The following ZFPM2 variants were observed in gnomAD, a reference collection of about 807,000 sequenced individuals.
The protein encoded by ZFPM2 is zinc finger protein, FOG family member 2.
In ZFPM2, 20 loss-of-function variants were observed where a neutral mutation model predicts 98.6. That is an observed-to-expected ratio of 0.20 (90% CI 0.14 to 0.29). The LOEUF (loss-of-function observed/expected upper bound fraction) is 0.29. Among genes scored for constraint, ZFPM2 ranks in the 10% least tolerant of loss-of-function variants. ZFPM2 has a pLI of 1.00. For synonymous variants in ZFPM2, 518 were observed against 502.7 expected (o/e 1.03, Z -0.41); for missense variants, 1,310 against 1,388.6 (o/e 0.94, Z 0.90).
chr8:105,476,817 G>A (rs1324544238), intron 3 of ZFPM2, among the ~76,000 whole-genome samples: 2 of 151,846 alleles, frequency 1.3e-5, no homozygotes, highest in African/African-American at 2.4e-5. Flanking sequence ...GAGTGGGGTG[G>A]GTGATTGGGG....
intron 3 of ZFPM2, among the ~76,000 whole-genome samples, chr8:105,458,775 TCA>T (rs920633077): frequency 8.5e-5 from 13 of 152,126 alleles, no homozygotes; most frequent in Admixed American, 4.6e-4. Context: ...TTTTCCATCT[TCA>T]GAGTCTTTGC....
intron 4 of ZFPM2, among the ~76,000 whole-genome samples, chr8:105,594,665 G>T (rs1284497801): frequency 1.3e-5 from 2 of 152,008 alleles, no homozygotes; most frequent in Non-Finnish European, 2.9e-5. Flanking sequence ...GCTAATTAAT[G>T]TACAAATTAT....
chr8:105,786,628 T>C (rs1476936899), intron 5 of ZFPM2, among the ~76,000 whole-genome samples: 2 of 152,218 alleles, frequency 1.3e-5, no homozygotes, highest in African/African-American at 4.8e-5. Flanking sequence ...AAAACAAATA[T>C]ATATTACAAC....
chr8:105,798,570 TGC>T (rs1260465813), intron 6 of ZFPM2, 152 bp from the exon 7 acceptor site: 1 of 620,602 alleles, frequency 1.6e-6, no homozygotes, highest in Non-Finnish European at 2.8e-6. Context: ...TCGAGTCCTA[TGC>T]TGTAGAACAA....
chr8:105,533,085 T>C lies in ZFPM2; in HGVS notation c.302-28278T>C, dbSNP rs78440892. Among the ~76,000 whole-genome samples the C allele has an allele frequency of 2.3e-3, 345 of 152,270 alleles. 3 individuals carry two copies. The highest frequency in any genetic ancestry group is 8.1e-3 in the African/African-American group (337 of 41,564). On this transcript the variant is annotated intron_variant, in intron 3 of 7. Transcript: ENST00000407775. ...AAGGGTAATAAATGAACTTTGAACA[T>C]GTCTCTCAATATTTACATAACACAA...
intron 1 of ZFPM2, among the ~76,000 whole-genome samples, chr8:105,416,712 T>C (rs1305336934): frequency 2.0e-5 from 3 of 152,016 alleles, no homozygotes; most frequent in East Asian, 3.9e-4. Flanking sequence ...TTATAAATTA[T>C]GTAAATAAAA....
chr8:105,584,817 A>G (rs1300269141), intron 4 of ZFPM2, among the ~76,000 whole-genome samples: 1 of 152,142 alleles, frequency 6.6e-6, no homozygotes, highest in East Asian at 1.9e-4. Flanking sequence ...TGGGACAATC[A>G]GTTAAATGCA....
chr8:105,577,002 T>C (rs894658282), intron 4 of ZFPM2, among the ~76,000 whole-genome samples: 2 of 152,180 alleles, frequency 1.3e-5, no homozygotes, highest in African/African-American at 4.8e-5. Context: ...GGAATAATCA[T>C]TTCCCTTATT....
chr8:105,800,361 A>T (rs1273470436), intron 7 of ZFPM2, among the ~76,000 whole-genome samples: 1 of 152,086 alleles, frequency 6.6e-6, no homozygotes, highest in African/African-American at 2.4e-5. Flanking sequence ...CATGGACTAG[A>T]AATAGGCAGT....
chr8:105,548,158 CTT>C (rs1249122744), intron 3 of ZFPM2, among the ~76,000 whole-genome samples: 2 of 151,828 alleles, frequency 1.3e-5, no homozygotes, highest in African/African-American at 2.4e-5. Context: ...AAAAGAAACT[CTT>C]TGATTGTTAG....
At chr8:105,350,260 C>T (rs1241090457) in intron 1 of ZFPM2, among the ~76,000 whole-genome samples, 3 of 152,254 alleles carry the variant, frequency 2.0e-5, no homozygotes, top group Admixed American at 1.3e-4. Flanking sequence ...CAGCCACCTT[C>T]GGAGAGTCTG....
At position 105,694,167 on chromosome 8, in the gene ZFPM2, T is replaced by C. The variant is rs148010966; in HGVS notation, c.532+59810T>C. ...ACGCCGGCTAATTTTTTTGTATTTT[T>C]AGTAGAGACGGGGTTTCGCTGTGTT... On this transcript the variant is annotated intron_variant, in intron 5 of 7. Transcript: ENST00000407775. 1.2e-3 allele frequency among the ~76,000 whole-genome samples: 179 copies of C among 151,868 alleles called. 2 individuals are homozygous for C. In the East Asian group the frequency reaches 0.021, roughly 18 times the overall value.
chr8:105,391,410 C>T (rs1406362099), intron 1 of ZFPM2, among the ~76,000 whole-genome samples: 2 of 152,064 alleles, frequency 1.3e-5, no homozygotes, highest in African/African-American at 2.4e-5. Context: ...GTGGAGGTGG[C>T]TGTGGTAATT....
At chr8:105,790,167 A>G (rs371946727) in intron 6 of ZFPM2, among the ~76,000 whole-genome samples, 1 of 151,330 alleles carries the variant, frequency 6.6e-6, no homozygotes, top group Non-Finnish European at 1.5e-5. Flanking sequence ...GCCCATGCCT[A>G]TGTCCTGAAT....
intron 4 of ZFPM2, among the ~76,000 whole-genome samples, chr8:105,602,901 T>C (rs1052496927): frequency 2.6e-5 from 4 of 152,144 alleles, no homozygotes; most frequent in Non-Finnish European, 5.9e-5. Flanking sequence ...ACAGACTGGA[T>C]ACTTTTTAAA....
intron 3 of ZFPM2, among the ~76,000 whole-genome samples, chr8:105,445,859 C>T (rs1812358407): frequency 6.6e-6 from 1 of 152,002 alleles, no homozygotes; most frequent in Non-Finnish European, 1.5e-5. Flanking sequence ...CCCGACTCAT[C>T]CTCCCAAGGG....
intron 5 of ZFPM2, among the ~76,000 whole-genome samples, chr8:105,687,164 G>A (rs1431217241): frequency 6.6e-6 from 1 of 152,152 alleles, no homozygotes; most frequent in Non-Finnish European, 1.5e-5. Context: ...CATATTGAAA[G>A]CATCAGACTC....
chr8:105,464,119 T>C (rs1438750344), intron 3 of ZFPM2, among the ~76,000 whole-genome samples: 1 of 152,050 alleles, frequency 6.6e-6, no homozygotes, highest in Non-Finnish European at 1.5e-5. Flanking sequence ...TCTTGCAGAA[T>C]TGTTCCCATA....
intron 1 of ZFPM2, among the ~76,000 whole-genome samples, chr8:105,391,281 A>G (rs1181361256): frequency 2.6e-5 from 4 of 152,222 alleles, no homozygotes; most frequent in African/African-American, 7.2e-5. Context: ...TAAATAGTGC[A>G]TATACCTTAA....
Sources: gnomAD v4.1 joint callset for allele counts (sites outside exome capture counted in the v4.1 genomes callset) on GRCh38, gnomAD v4.1.1 for gene constraint, MANE v1.5 for transcripts, NCBI Gene and HGNC (gene_info 2026-07-23, HGNC 2026-07-21) for gene names.